Variants in PCBP3 observed in about 807,000 individuals in gnomAD.
The protein encoded by PCBP3 is poly(rC)-binding protein 3.
PCBP3 carries 25 observed loss-of-function variants against 52.7 expected under a neutral mutation model. The observed-to-expected ratio is 0.47, with a 90% CI of 0.35 to 0.66. PCBP3 has a LOEUF of 0.66. Among genes scored for constraint, PCBP3 ranks in the 30% least tolerant of loss-of-function variants. The pLI is 0.01. For synonymous variants in PCBP3, 162 were observed against 183.0 expected, an observed-to-expected ratio of 0.89 and a Z score of 0.93; for missense variants, 391 against 490.3, an observed-to-expected ratio of 0.80 and a Z score of 1.91.
rs559966612 is a variant in PCBP3, at chr21:45,936,989, C to T, written c.909+1684C>T. Among the ~76,000 whole-genome samples, 11 of 152,282 alleles carry T rather than the reference C, an allele frequency of 7.2e-5. No individual in the cohort carries two copies. The South Asian group carries it at 1.2e-3, about 17-fold the overall frequency. On this transcript the variant is annotated intron_variant, in intron 16 of 17. Transcript: ENST00000681687. ...GCTTCTTCATGGAAAAGGCTATTGACGACACTGTCAGGGGGCTTTCACCAG... is the reference window on the plus strand; with the variant it reads ...GCTTCTTCATGGAAAAGGCTATTGATGACACTGTCAGGGGGCTTTCACCAG...
At chr21:45,756,092 C>T (rs967836390) in intron 4 of PCBP3, among the ~76,000 whole-genome samples, 4 of 152,160 alleles carry the variant, frequency 2.6e-5, no homozygotes, top group Non-Finnish European at 4.4e-5. Context: ...CCCCATCCCC[C>T]ATCCATTTTG....
At chr21:45,785,411 A>C (rs2091051214) in intron 4 of PCBP3, among the ~76,000 whole-genome samples, 1 of 125,226 alleles carries the variant, frequency 8.0e-6, no homozygotes, top group Non-Finnish European at 1.7e-5. Context: ...GGCCACCCCT[A>C]CTGGGAAGTG....
At position 45,805,301 on chromosome 21, in the gene PCBP3, AC is replaced by A. The variant is rs925275309; in HGVS notation, c.-125-44654del. 7.3e-5 allele frequency among the ~76,000 whole-genome samples: 11 copies of A among 151,288 alleles called. No homozygotes were observed. The highest frequency in any genetic ancestry group is 1.2e-4 in the Non-Finnish European group (8 of 67,828). On this transcript the variant is annotated intron_variant, in intron 4 of 17. Coordinates refer to ENST00000681687, the MANE Select transcript of PCBP3 (RefSeq NM_001384156.1). This position sits in a 1 kb window ranked among gnomAD's most constrained non-coding sequence, Gnocchi z 4.6. Reference sequence around the variant, plus strand: ...GGTCATTTGCTTGGGGGAGCTGAAAACCCCCCAGGTGGTGTCTGGGGGGGAA... The same window carrying A: ...GGTCATTTGCTTGGGGGAGCTGAAAACCCCCAGGTGGTGTCTGGGGGGGAA...
At chr21:45,685,857 T>G (rs187938945) in intron 2 of PCBP3, among the ~76,000 whole-genome samples, 40 of 150,232 alleles carry the variant, frequency 2.7e-4, no homozygotes, top group Non-Finnish European at 5.0e-4. Context: ...TGAGACTCCA[T>G]GAGGCAAGAC....
chr21:45,898,722 C>T lies in PCBP3; in HGVS notation c.166-877C>T, dbSNP rs868139242. 7.5e-4 allele frequency among the ~76,000 whole-genome samples: 40 copies of T among 53,004 alleles called. 1 individual carries two copies. Among genetic ancestry groups the T allele is most frequent in the African/African-American group, 3.9e-3 (28 of 7,192 alleles). The allele number at this position is 53,004 out of a possible 152,430, so 34.8% of individuals were successfully genotyped here. On this transcript the variant is annotated intron_variant, in intron 6 of 17. Transcript: ENST00000681687. Reference sequence around the variant, plus strand: ...ACGCCGTCCTCACGGCCTCCCTCTGCCTCCACGGGCCCCTCTGCACGCCGT... The same window carrying T: ...ACGCCGTCCTCACGGCCTCCCTCTGTCTCCACGGGCCCCTCTGCACGCCGT...
At chr21:45,877,470 T>C (rs2095291412) in intron 5 of PCBP3, among the ~76,000 whole-genome samples, 1 of 152,234 alleles carries the variant, frequency 6.6e-6, no homozygotes, top group South Asian at 2.1e-4. Context: ...GAATTTATAG[T>C]GGTACCAGTT....
chr21:45,821,248 A>G lies in PCBP3; in HGVS notation c.-125-28713A>G, dbSNP rs562350313. On this transcript the variant is annotated intron_variant, in intron 4 of 17. Transcript: ENST00000681687. This position sits in a 1 kb window ranked among gnomAD's most constrained non-coding sequence, Gnocchi z 4.4. ...GCCTCTCCCTAATCCTGGATTCCGC[A>G]GGGGCTCCAAGACCCTCAGGGTCGC... Among the ~76,000 whole-genome samples the G allele has an allele frequency of 6.6e-6, 1 of 151,262 alleles. No individual in the cohort carries two copies. Among genetic ancestry groups the G allele is most frequent in the Admixed American group, 6.6e-5 (1 of 15,178 alleles).
intron 2 of PCBP3, among the ~76,000 whole-genome samples, chr21:45,714,863 A>G (rs2084102159): frequency 6.6e-6 from 1 of 152,228 alleles, no homozygotes; most frequent in African/African-American, 2.4e-5. Flanking sequence ...AAATGTGCAC[A>G]TAATATGACC....
At chr21:45,934,665 TC>T (rs2076689439) in intron 15 of PCBP3, among the ~76,000 whole-genome samples, 1 of 152,220 alleles carries the variant, frequency 6.6e-6, no homozygotes, top group African/African-American at 2.4e-5. Context: ...TGCAGGGGCC[TC>T]TGGACAGTTA....
Position 45,827,122 on chromosome 21 carries a change from C to T in PCBP3, c.-125-22839C>T, listed in dbSNP as rs1024176656. On this transcript the variant is annotated intron_variant, in intron 4 of 17. Coordinates refer to ENST00000681687, the MANE Select transcript of PCBP3 (RefSeq NM_001384156.1). The surrounding 1 kb of genome is among the most constrained non-coding windows in gnomAD (Gnocchi z 4.3). ...CACTCCCGCGTCCCTGGGGACCACACGGGGACTGGAGCTCCCTACCTGCTC... is the reference window on the plus strand; with the variant it reads ...CACTCCCGCGTCCCTGGGGACCACATGGGGACTGGAGCTCCCTACCTGCTC... Among the ~76,000 whole-genome samples the T allele has an allele frequency of 7.2e-5, 11 of 152,272 alleles. No homozygotes were observed. Among genetic ancestry groups the T allele is most frequent in the African/African-American group, 2.4e-4 (10 of 41,566 alleles).
rs957521395 is a variant in PCBP3 at position 45,827,683 on chromosome 21, A to G, written c.-125-22278A>G. 6.6e-6 allele frequency among the ~76,000 whole-genome samples: 1 copy of G among 152,224 alleles called. No individual in the cohort carries two copies. The highest frequency in any genetic ancestry group is 1.5e-5 in the Non-Finnish European group (1 of 68,040). On this transcript the variant is annotated intron_variant, in intron 4 of 17. Coordinates refer to ENST00000681687, the MANE Select transcript of PCBP3 (RefSeq NM_001384156.1). This position sits in a 1 kb window ranked among gnomAD's most constrained non-coding sequence, Gnocchi z 4.3. ...ATGCAGTTTTATGTACATCAGTTAC[A>G]TCTCAGCCAAGCTGTTAATAAGCAG... is the stretch of plus-strand genomic sequence containing the variant.
chr21:45,938,113 CAG>C (rs926951125), intron 16 of PCBP3, among the ~76,000 whole-genome samples: 2 of 152,180 alleles, frequency 1.3e-5, no homozygotes, highest in Admixed American at 6.5e-5. Context: ...AGTTAGAAGA[CAG>C]GGGCAGATGG....
intron 13 of PCBP3, among the ~76,000 whole-genome samples, chr21:45,920,796 C>T (rs974652945): frequency 7.2e-5 from 11 of 152,200 alleles, no homozygotes; most frequent in African/African-American, 2.7e-4. Flanking sequence ...GAGACTTGGC[C>T]CTTCCCATAC....
intron 5 of PCBP3, among the ~76,000 whole-genome samples, chr21:45,879,429 G>T (rs1220388179): frequency 2.6e-5 from 4 of 152,198 alleles, no homozygotes; most frequent in Non-Finnish European, 5.9e-5. Context: ...CAGTACAAAT[G>T]ATCCATGCCG....
chr21:45,841,805 C>G (rs895855549), intron 4 of PCBP3, among the ~76,000 whole-genome samples: 2 of 152,206 alleles, frequency 1.3e-5, no homozygotes, highest in African/African-American at 4.8e-5. Flanking sequence ...ACCAAGAGGT[C>G]TCTCTGTTAT....
At chr21:45,936,502 A>C (rs2076911890) in intron 16 of PCBP3, among the ~76,000 whole-genome samples, 1 of 152,246 alleles carries the variant, frequency 6.6e-6, no homozygotes, top group Admixed American at 6.5e-5. Context: ...GAAAGGCAGC[A>C]GCACAGAGCC....
intron 2 of PCBP3, among the ~76,000 whole-genome samples, chr21:45,732,502 C>A (rs532544933): frequency 8.9e-6 from 1 of 112,268 alleles, no homozygotes; most frequent in Admixed American, 8.9e-5. Flanking sequence ...GCTGCCTTTA[C>A]GATTTTTTTT....
chr21:45,644,322 C>T (rs1192949802), intron 1 of PCBP3, among the ~76,000 whole-genome samples: 1 of 151,728 alleles, frequency 6.6e-6, no homozygotes, highest in African/African-American at 2.4e-5. Context: ...TCCCCCTGGA[C>T]GGCCGCCGGG....
chr21:45,924,151 G>A (rs1482800124), intron 13 of PCBP3, among the ~76,000 whole-genome samples: 1 of 113,444 alleles, frequency 8.8e-6, no homozygotes, highest in South Asian at 2.7e-4. Context: ...GGGTGTGCAC[G>A]AGGAGATGTG....
Sources: allele counts gnomAD v4.1 joint callset (sites outside exome capture counted in the v4.1 genomes callset), GRCh38; gene constraint gnomAD v4.1.1; non-coding constraint Gnocchi (gnomAD v3.1); transcripts MANE v1.5; gene names NCBI Gene and HGNC (gene_info 2026-07-23, HGNC 2026-07-21).